SH3BP2: variants seen among roughly 807,000 people sequenced by gnomAD.
SH3BP2 encodes the protein SH3 domain-binding protein 2.
SH3BP2 carries 38 observed loss-of-function variants against 56.2 expected under a neutral mutation model. The observed-to-expected ratio is 0.68, with a 90% CI of 0.52 to 0.89. SH3BP2 has a LOEUF of 0.89. Ranked by LOEUF, SH3BP2 falls within the 40% of genes least tolerant of loss-of-function variation. The probability of loss-of-function intolerance (pLI) is 0.00; values close to 1 mark genes in which losing one functional copy is unlikely to be tolerated. For missense variants in SH3BP2, 748 were observed against 762.6 expected (o/e 0.98, Z 0.23); for synonymous variants, 346 against 316.7 (o/e 1.09, Z -0.98).
intron 7 of SH3BP2, among the ~76,000 whole-genome samples, chr4:2,828,758 T>C (rs1452203434): frequency 6.6e-6 from 1 of 152,168 alleles, no homozygotes; most frequent in Non-Finnish European, 1.5e-5. Flanking sequence ...GAGACATTTC[T>C]CGTCCAGGAC....
At chr4:2,824,289 G>A (rs1352460623) in intron 3 of SH3BP2, among the ~76,000 whole-genome samples, 1 of 152,182 alleles carries the variant, frequency 6.6e-6, no homozygotes, top group Non-Finnish European at 1.5e-5. Context: ...AAGCAGGCCT[G>A]GGCAAATGGG....
At chr4:2,807,644 T>C (rs543653208) in intron 1 of SH3BP2, among the ~76,000 whole-genome samples, 43 of 152,106 alleles carry the variant, frequency 2.8e-4, no homozygotes, top group African/African-American at 1.0e-3. Context: ...AGGTCCAGTG[T>C]CGGGGGCCCA....
chr4:2,821,123 G>C (rs1724282378), intron 2 of SH3BP2, among the ~76,000 whole-genome samples: 1 of 152,190 alleles, frequency 6.6e-6, no homozygotes, highest in Non-Finnish European at 1.5e-5. Context: ...GTCAAGTCCT[G>C]GCTGGGTGCT....
At position 2,827,289 on chromosome 4, in the gene SH3BP2, G is replaced by C; in HGVS notation, c.488G>C (p.Ser163Thr). The C allele has an allele frequency of 6.2e-7, 1 of 1,614,192 alleles. No individual in the cohort carries two copies. Among genetic ancestry groups the C allele is most frequent in the South Asian group, 1.1e-5 (1 of 91,084 alleles). ...YGAVERPVDI[S>T]LSPYPTDNED... The stretch of plus-strand genomic sequence containing the variant: ...GCAGTTGAGCGGCCTGTGGATATCA[G>C]CCTTTCCCCGTACCCCACGGACAAT... The change falls in exon 6 of 13, where the codon AGC (serine) becomes ACC (threonine). Residue 163 changes from serine to threonine, a missense_variant. By Grantham distance (58) the Ser-to-Thr change is moderately conservative. Coordinates refer to ENST00000503393, the MANE Select transcript of SH3BP2 (RefSeq NM_001122681.2).
chr4:2,833,116 C>T (rs1275402185), intron 12 of SH3BP2, 67 bp downstream of exon 12: 2 of 1,432,858 alleles, frequency 1.4e-6, no homozygotes, highest in Non-Finnish European at 9.8e-7. Context: ...GGCAGAATCT[C>T]CCTGATGAGG....
chr4:2,820,874 T>G, intron 2 of SH3BP2, 121 bp downstream of exon 2: 5 of 1,172,324 alleles, frequency 4.3e-6, no homozygotes, highest in Non-Finnish European at 5.9e-6. Context: ...GATTTTCCCA[T>G]TCCCTCTCTG....
chr4:2,824,466 G>C (rs1724480757), intron 3 of SH3BP2, 147 bp from the exon 4 acceptor site: 1 of 675,454 alleles, frequency 1.5e-6, no homozygotes, highest in Non-Finnish European at 2.7e-6. Flanking sequence ...CTCACTACTG[G>C]GAGCATCAGC....
Position 2,824,672 on chromosome 4 carries a change from A to G in SH3BP2, c.299A>G (p.His100Arg), listed in dbSNP as rs142051964. The G allele has an allele frequency of 1.3e-3, 2,092 of 1,613,998 alleles. 1 individual carries two copies. The highest frequency in any genetic ancestry group is 1.5e-3 in the Non-Finnish European group (1,816 of 1,179,978). Residue 100 changes from histidine (H) to arginine (R), a missense_variant, in exon 4 of 13, where the codon CAT becomes CGT. His to Arg is a conservative substitution (Grantham distance 29). Transcript: ENST00000503393. ...AACGTTTTCCCCTTCAAGATCATCC[A>G]TATCAGCAAGAAGCACCGCACGTGG... is the stretch of plus-strand genomic sequence containing the variant. ...SNNVFPFKIIHISKKHRTWFF... is the reference protein window; with the variant it reads ...SNNVFPFKIIRISKKHRTWFF...
At chr4:2,803,045 G>T (rs11947904) in intron 1 of SH3BP2, among the ~76,000 whole-genome samples, 44,368 of 152,186 alleles carry the variant, frequency 0.29, 7,634 homozygotes, top group African/African-American at 0.48. Context: ...TGCAGGAGCT[G>T]CATGGTTTTG....
rs1181046836 is a variant in SH3BP2 at position 2,824,748 on chromosome 4, G to A, written c.357+18G>A. 1.3e-6 allele frequency: 2 copies of A among 1,571,200 alleles called. No homozygotes were observed. Among genetic ancestry groups the A allele is most frequent in the Admixed American group, 3.3e-5 (2 of 59,948 alleles). ...AGCGCAAGGTGACTGGGGGTCCGAG[G>A]ACGAGTGCAAGGTGACTGGGGGTGT... is the stretch of plus-strand genomic sequence containing the variant. On this transcript the variant is annotated intron_variant, in intron 4 of 12. Transcript: ENST00000503393.
chr4:2,837,716 A>T lies in SH3BP2; in HGVS notation c.*3882A>T, dbSNP rs1725283660. On this transcript the variant is annotated 3_prime_UTR_variant, in exon 13 of 13. Transcript: ENST00000503393. ...ACCTCTGTTTCTGTGACCCAGCAGC[A>T]TCAAGCCCCTCGCTGGGCACCTCGC... 6.6e-6 allele frequency: 1 copy of T among 152,494 alleles called. No homozygotes were observed. Among genetic ancestry groups the T allele is most frequent in the South Asian group, 2.1e-4 (1 of 4,840 alleles). 9.4% of individuals were successfully genotyped at this position (152,494 alleles called of 1,614,324 possible). A position where few individuals can be genotyped will look rare whatever the true frequency, so the allele number is the denominator to read the frequency against.
chr4:2,821,257 G>A (rs1274651342), intron 2 of SH3BP2, among the ~76,000 whole-genome samples: 3 of 152,230 alleles, frequency 2.0e-5, no homozygotes, highest in Non-Finnish European at 4.4e-5. Context: ...GAGCATCAGG[G>A]CCTGAGCAGC....
At chr4:2,832,108 A>G in intron 10 of SH3BP2, 130 bp downstream of exon 10, 1 of 1,066,058 alleles carries the variant, frequency 9.4e-7, no homozygotes, top group Admixed American at 1.9e-5. Flanking sequence ...AGCAGAAACC[A>G]GAGGAGTGGA....
At chr4:2,812,396 G>T in intron 1 of SH3BP2, 5 of 1,550,322 alleles carry the variant, frequency 3.2e-6, no homozygotes, top group Non-Finnish European at 4.4e-6. Flanking sequence ...CCCCTGAGCC[G>T]CATGGCCTCC....
At chr4:2,825,241 G>A (rs1162658251) in intron 5 of SH3BP2, 45 bp downstream of exon 5, 1 of 1,503,028 alleles carries the variant, frequency 6.7e-7, no homozygotes. Flanking sequence ...GGTCCCTGGG[G>A]CGCCTGGGCC....
intron 10 of SH3BP2, 32 bp from the exon 11 acceptor site, chr4:2,832,299 A>G (rs1335804838): frequency 6.4e-7 from 1 of 1,568,602 alleles, no homozygotes; most frequent in Non-Finnish European, 8.8e-7. Flanking sequence ...CCCGAGGAGG[A>G]CTCACCCGCT....
At chr4:2,797,018 C>T (rs550080901) in intron 1 of SH3BP2, among the ~76,000 whole-genome samples, 5 of 152,318 alleles carry the variant, frequency 3.3e-5, no homozygotes, top group South Asian at 2.1e-4. Context: ...TCCCCAGGCC[C>T]GAGCTAGGGC....
chr4:2,796,342 T>C (rs1723061167), intron 1 of SH3BP2: 1 of 893,556 alleles, frequency 1.1e-6, no homozygotes, highest in Non-Finnish European at 1.3e-6. Flanking sequence ...GGGAGAAAGG[T>C]GCCCTCCCCC....
At position 2,824,897 on chromosome 4, in the gene SH3BP2, G is replaced by C. The variant is rs1577359787; in HGVS notation, c.357+167G>C. 7 of 677,206 alleles carry C rather than the reference G, an allele frequency of 1.0e-5. No homozygotes were observed. The East Asian group carries it at 1.9e-4, about 18-fold the overall frequency. 41.9% of individuals were successfully genotyped at this position (677,206 alleles called of 1,614,324 possible). ...AGGCAGCTGGGTGGGTGCTGCCCCA[G>C]CTCCATCCCCATGCCCAGAGCCTGG... On this transcript the variant is annotated intron_variant, in intron 4 of 12. Transcript: ENST00000503393.
Sources: gnomAD v4.1 joint callset for allele counts (sites outside exome capture counted in the v4.1 genomes callset) on GRCh38, gnomAD v4.1.1 for gene constraint, MANE v1.5 for transcripts, NCBI Gene and HGNC (gene_info 2026-07-23, HGNC 2026-07-21) for gene names.